Variants in CCSER1 observed in about 807,000 individuals in gnomAD.
CCSER1 encodes the protein serine-rich coiled-coil domain-containing protein 1.
A neutral mutation model predicts 82.0 loss-of-function variants in CCSER1; 41 were observed. The ratio of observed to expected loss-of-function variants is 0.50; its 90% CI spans 0.39 to 0.65. The LOEUF is 0.65. Among genes scored for constraint, CCSER1 ranks in the 30% least tolerant of loss-of-function variants. The probability of loss-of-function intolerance (pLI) is 0.00; values close to 1 mark genes in which losing one functional copy is unlikely to be tolerated. For synonymous variants in CCSER1, 414 were observed against 383.9 expected, an observed-to-expected ratio of 1.08 and a Z score of -0.92; for missense variants, 1,119 against 1,064.2, an observed-to-expected ratio of 1.05 and a Z score of -0.72.
chr4:90,525,077 T>C (rs1396886477), intron 5 of CCSER1, among the ~76,000 whole-genome samples: 3 of 152,260 alleles, frequency 2.0e-5, no homozygotes, highest in East Asian at 3.9e-4. Context: ...AGATTCATTC[T>C]TTTATATGAA....
In CCSER1 at chr4:91,284,577, C is replaced by T. The variant is rs1581902740; in HGVS notation, c.2217+198583C>T. Among the ~76,000 whole-genome samples, 6 of 152,066 alleles carry T rather than the reference C, an allele frequency of 3.9e-5. No homozygotes were observed. In the South Asian group the frequency reaches 1.2e-3, roughly 32 times the overall value. ...TATATGTAAATTGAATATGTAGGCT[C>T]TCCAAAGTGCCATCAGACTTTGAGA... On this transcript the variant is annotated intron_variant, in intron 10 of 10. Coordinates refer to ENST00000509176, the MANE Select transcript of CCSER1 (RefSeq NM_001145065.2).
At chr4:90,902,354 C>T (rs1724785104) in intron 8 of CCSER1, among the ~76,000 whole-genome samples, 1 of 152,016 alleles carries the variant, frequency 6.6e-6, no homozygotes, top group African/African-American at 2.4e-5. Context: ...TGGAAGATAT[C>T]AAGATACTCT....
chr4:90,453,074 G>T (rs758656955), intron 4 of CCSER1, among the ~76,000 whole-genome samples: 3 of 152,224 alleles, frequency 2.0e-5, no homozygotes, highest in Non-Finnish European at 2.9e-5. Flanking sequence ...AACTCAGAGA[G>T]ATCTTTTGAC....
At chr4:90,431,335 A>C (rs1354300326) in intron 4 of CCSER1, among the ~76,000 whole-genome samples, 1 of 152,198 alleles carries the variant, frequency 6.6e-6, no homozygotes, top group East Asian at 1.9e-4. Context: ...ATGGCTAGAA[A>C]GAGTGTGTAA....
rs544011466 is a variant in CCSER1 at position 91,415,972 on chromosome 4, G to C, written c.2218-182600G>C. Reference sequence around the variant, plus strand: ...CAATTGTTTGGAATAGTTTCACCAGGAATGGTACTCTTATTTTATGTCTGG... The same window carrying C: ...CAATTGTTTGGAATAGTTTCACCAGCAATGGTACTCTTATTTTATGTCTGG... On this transcript the variant is annotated intron_variant, in intron 10 of 10. Coordinates refer to ENST00000509176, the MANE Select transcript of CCSER1 (RefSeq NM_001145065.2). 1.2e-3 allele frequency among the ~76,000 whole-genome samples: 184 copies of C among 152,072 alleles called. 1 individual carries two copies. Among genetic ancestry groups the C allele is most frequent in the Non-Finnish European group, 2.3e-3 (157 of 67,990 alleles).
intron 10 of CCSER1, chr4:91,325,155 T>C (rs1746465790): frequency 2.2e-6 from 1 of 456,006 alleles, no homozygotes; most frequent in Non-Finnish European, 4.4e-6. Flanking sequence ...TTAGCAGTGG[T>C]CCTCTTTTTC....
At position 90,512,687 on chromosome 4, in the gene CCSER1, T is replaced by A. The variant is rs1049238790; in HGVS notation, c.1724+44333T>A. On this transcript the variant is annotated intron_variant, in intron 5 of 10. Transcript: ENST00000509176. ...TGATATATTCCAATAAAATGATACC[T>A]TTGTACTTGATAATTACTAATCCAA... Among the ~76,000 whole-genome samples the A allele has an allele frequency of 2.0e-5, 3 of 152,198 alleles. No homozygotes were observed. The East Asian group carries it at 5.8e-4, about 29-fold the overall frequency.
At chr4:90,827,954 G>A (rs62311073) in intron 8 of CCSER1, among the ~76,000 whole-genome samples, 18,346 of 152,060 alleles carry the variant, frequency 0.12, 1,315 homozygotes, top group Non-Finnish European at 0.16. Context: ...TTATAGGAGA[G>A]TAAATGGTTT....
At chr4:90,411,102 T>A (rs1754701691) in intron 4 of CCSER1, among the ~76,000 whole-genome samples, 1 of 152,116 alleles carries the variant, frequency 6.6e-6, no homozygotes, top group South Asian at 2.1e-4. Flanking sequence ...AATAGACCAA[T>A]AATAGGCTCT....
chr4:90,712,853 G>C (rs1226811354), intron 6 of CCSER1, among the ~76,000 whole-genome samples: 1 of 149,540 alleles, frequency 6.7e-6, no homozygotes, highest in Non-Finnish European at 1.5e-5. Context: ...AGGATAGTTA[G>C]CACTTCTTGT....
intron 10 of CCSER1, among the ~76,000 whole-genome samples, chr4:91,265,380 A>G (rs1472559115): frequency 2.0e-5 from 3 of 152,174 alleles, no homozygotes; most frequent in African/African-American, 4.8e-5. Context: ...AATTTTCTGG[A>G]TAACTGAAGA....
intron 9 of CCSER1, among the ~76,000 whole-genome samples, chr4:90,984,713 T>C (rs1379054375): frequency 6.6e-6 from 1 of 151,700 alleles, no homozygotes; most frequent in African/African-American, 2.4e-5. Context: ...TTAAAGAGTG[T>C]GGAAATGTGC....
At chr4:90,231,838 A>T (rs965128947) in intron 1 of CCSER1, among the ~76,000 whole-genome samples, 66 of 151,062 alleles carry the variant, frequency 4.4e-4, no homozygotes, top group African/African-American at 1.5e-3. Context: ...ACAGACAAAC[A>T]GAGAGCCAAA....
intron 10 of CCSER1, among the ~76,000 whole-genome samples, chr4:91,114,210 A>G (rs115527069): frequency 0.011 from 1,681 of 152,246 alleles, 29 homozygotes; most frequent in African/African-American, 0.037. Flanking sequence ...TGAAATACAG[A>G]CACTACCTCC....
intron 9 of CCSER1, among the ~76,000 whole-genome samples, chr4:90,992,501 G>A (rs1015776815): frequency 6.6e-6 from 1 of 151,966 alleles, no homozygotes; most frequent in Non-Finnish European, 1.5e-5. Flanking sequence ...TTTTGGGTTA[G>A]GAATTAAAAT....
At chr4:90,666,228 G>C (rs1410271282) in intron 6 of CCSER1, among the ~76,000 whole-genome samples, 1 of 152,048 alleles carries the variant, frequency 6.6e-6, no homozygotes, top group African/African-American at 2.4e-5. Context: ...GGGGATTCTG[G>C]ATAATCTATT....
intron 10 of CCSER1, among the ~76,000 whole-genome samples, chr4:91,211,948 T>C (rs890770276): frequency 6.6e-6 from 1 of 152,118 alleles, no homozygotes; most frequent in African/African-American, 2.4e-5. Context: ...CCACCAAGGA[T>C]TACCATTGAA....
intron 1 of CCSER1, among the ~76,000 whole-genome samples, chr4:90,283,255 T>C (rs1729194370): frequency 6.6e-6 from 1 of 152,052 alleles, no homozygotes; most frequent in Non-Finnish European, 1.5e-5. Context: ...TGAATGATTA[T>C]GTGGCATTGT....
chr4:91,423,138 A>C (rs2149385189), intron 10 of CCSER1, among the ~76,000 whole-genome samples: 1 of 152,196 alleles, frequency 6.6e-6, no homozygotes, highest in Non-Finnish European at 1.5e-5. Flanking sequence ...TAAAAAAAGT[A>C]GGTCTGGCCT....
Sources: allele counts gnomAD v4.1 joint callset (sites outside exome capture counted in the v4.1 genomes callset), GRCh38; gene constraint gnomAD v4.1.1; transcripts MANE v1.5; gene names NCBI Gene and HGNC (gene_info 2026-07-23, HGNC 2026-07-21).